Variants in CNOT6L observed in about 807,000 individuals in gnomAD.
The protein encoded by CNOT6L is CCR4-NOT transcription complex subunit 6 like.
A neutral mutation model predicts 64.0 loss-of-function variants in CNOT6L; 7 were observed. That is an observed-to-expected ratio of 0.11 (90% CI 0.06 to 0.21). CNOT6L has a LOEUF of 0.21. CNOT6L is among the 10% of genes least tolerant of loss of function. The pLI is 1.00. For missense variants in CNOT6L, 245 were observed against 669.0 expected, an observed-to-expected ratio of 0.37 and a Z score of 6.99; for synonymous variants, 193 against 243.4, an observed-to-expected ratio of 0.79 and a Z score of 1.93.
chr4:77,790,129 C>T (rs1403436108), intron 1 of CNOT6L, among the ~76,000 whole-genome samples: 1 of 152,110 alleles, frequency 6.6e-6, no homozygotes, highest in African/African-American at 2.4e-5. Flanking sequence ...TTTGCCTTTT[C>T]CCGAGTGTCA....
At chr4:77,744,266 G>C (rs529788924) in intron 7 of CNOT6L, among the ~76,000 whole-genome samples, 2 of 151,848 alleles carry the variant, frequency 1.3e-5, no homozygotes, top group African/African-American at 4.8e-5. Context: ...GGTTTATAAA[G>C]TAAGGTAAGG....
At chr4:77,743,586 CTTTTTTTTT>C (rs142888128) in intron 7 of CNOT6L, among the ~76,000 whole-genome samples, 251 of 70,880 alleles carry the variant, frequency 3.5e-3, no homozygotes, top group Non-Finnish European at 4.2e-3. Context: ...TAACACACAA[CTTTTTTTTT>C]TTTTTTTTTT....
chr4:77,732,168 C>T (rs1215148078), intron 8 of CNOT6L, among the ~76,000 whole-genome samples: 1 of 151,996 alleles, frequency 6.6e-6, no homozygotes, highest in Non-Finnish European at 1.5e-5. Context: ...TTCTGAGAAA[C>T]AGATTCTGCA....
rs386400560 is a variant in CNOT6L at position 77,797,102 on chromosome 4, CAA to C, written c.6-20712_6-20711del. On this transcript the variant is annotated intron_variant, in intron 1 of 11. Coordinates refer to ENST00000504123, the MANE Select transcript of CNOT6L (RefSeq NM_144571.3). ...AGCCTGACAGAGGAAGACCTTGTCTCAAAAAAAAAAAAAAAAAAAAAAAACTG... is the reference window on the plus strand; with the variant it reads ...AGCCTGACAGAGGAAGACCTTGTCTCAAAAAAAAAAAAAAAAAAAAAACTG... Among the ~76,000 whole-genome samples, 7 of 52,986 alleles carry C rather than the reference CAA, an allele frequency of 1.3e-4. No homozygotes were observed. In the Admixed American group the frequency reaches 1.4e-3, roughly 11 times the overall value. The allele number at this position is 52,986 out of a possible 152,430, so 34.8% of individuals were successfully genotyped here.
intron 8 of CNOT6L, among the ~76,000 whole-genome samples, chr4:77,740,449 A>T (rs1166691927): frequency 6.6e-6 from 1 of 152,178 alleles, no homozygotes; most frequent in Non-Finnish European, 1.5e-5. Flanking sequence ...TATTAGTGAT[A>T]TCAAAAGCTC....
intron 1 of CNOT6L, among the ~76,000 whole-genome samples, chr4:77,794,211 C>T (rs1218082340): frequency 7.3e-6 from 1 of 136,748 alleles, no homozygotes; most frequent in Non-Finnish European, 1.6e-5. Flanking sequence ...AGATTATAGT[C>T]TTATAGTCTG....
At chr4:77,784,276 AAC>A (rs1323768313) in intron 1 of CNOT6L, among the ~76,000 whole-genome samples, 2 of 152,186 alleles carry the variant, frequency 1.3e-5, no homozygotes, top group Admixed American at 6.5e-5. Flanking sequence ...TAAAATAAAA[AAC>A]AGAGACCAGA....
chr4:77,819,549 C>G, upstream of CNOT6L: 1 of 493,616 alleles, frequency 2.0e-6, no homozygotes. Flanking sequence ...GCGCAGGGAA[C>G]CCGGGCCCGG....
chr4:77,801,863 G>A (rs1369142785), intron 1 of CNOT6L, among the ~76,000 whole-genome samples: 1 of 152,142 alleles, frequency 6.6e-6, no homozygotes, highest in South Asian at 2.1e-4. Context: ...AATAGCCACT[G>A]TATTCCAGCC....
intron 9 of CNOT6L, among the ~76,000 whole-genome samples, chr4:77,730,267 CATAA>C (rs1250531178): frequency 2.6e-5 from 4 of 152,034 alleles, no homozygotes; most frequent in African/African-American, 9.7e-5. Context: ...GCAATTTGAT[CATAA>C]ATGTCTGTAG....
At chr4:77,799,970 A>G (rs1009123635) in intron 1 of CNOT6L, among the ~76,000 whole-genome samples, 17 of 152,086 alleles carry the variant, frequency 1.1e-4, no homozygotes, top group Admixed American at 5.2e-4. Flanking sequence ...CTGGTAGTAC[A>G]TGGCAAATCC....
intron 1 of CNOT6L, among the ~76,000 whole-genome samples, chr4:77,801,397 G>C (rs568833135): frequency 3.3e-5 from 5 of 152,184 alleles, no homozygotes; most frequent in Admixed American, 6.5e-5. Flanking sequence ...GGTCACAGAG[G>C]AGCTAATTTC....
intron 1 of CNOT6L, among the ~76,000 whole-genome samples, chr4:77,814,112 T>C (rs1733293116): frequency 6.6e-6 from 1 of 152,152 alleles, no homozygotes; most frequent in Non-Finnish European, 1.5e-5. Flanking sequence ...GTAAGTGAAA[T>C]ATGCTTATCA....
rs150236327 is a variant in CNOT6L, at chr4:77,811,711, C to T, written c.5+7593G>A. Among the ~76,000 whole-genome samples, 950 of 152,096 alleles carry T rather than the reference C, an allele frequency of 6.2e-3. 2 individuals are homozygous for T. The highest frequency in any genetic ancestry group is 9.7e-3 in the Non-Finnish European group (662 of 67,970). The stretch of plus-strand genomic sequence containing the variant: ...TTCACAATTCTCTCAAAACTCAATC[C>T]TAACACTCTCTCACAAACACACACA... On this transcript the variant is annotated intron_variant, in intron 1 of 11. Coordinates refer to ENST00000504123, the MANE Select transcript of CNOT6L (RefSeq NM_144571.3).
rs539300063 is a variant in CNOT6L at position 77,782,015 on chromosome 4, T to C, written c.6-5623A>G. On this transcript the variant is annotated intron_variant, in intron 1 of 11. Transcript: ENST00000504123. ...ACAGATGCTGGCAGAGTTCCTAAAA[T>C]TGAAAAAACACAAAATTAAGCCTAT... is the stretch of plus-strand genomic sequence containing the variant. Among the ~76,000 whole-genome samples, 13 of 152,176 alleles carry C rather than the reference T, an allele frequency of 8.5e-5. No individual in the cohort carries two copies. In the South Asian group the frequency reaches 2.3e-3, roughly 27 times the overall value.
chr4:77,728,030 G>T (rs1224094417), intron 10 of CNOT6L, among the ~76,000 whole-genome samples: 1 of 152,040 alleles, frequency 6.6e-6, no homozygotes, highest in East Asian at 1.9e-4. Flanking sequence ...TTTGGTATTG[G>T]CAAAAGAGTA....
chr4:77,771,018 G>A (rs1727480332), intron 4 of CNOT6L, among the ~76,000 whole-genome samples: 1 of 152,280 alleles, frequency 6.6e-6, no homozygotes, highest in Admixed American at 6.5e-5. Context: ...TAAGTCCACT[G>A]GATTCAACAG....
At chr4:77,767,605 G>A (rs1402813707) in intron 4 of CNOT6L, among the ~76,000 whole-genome samples, 1 of 152,098 alleles carries the variant, frequency 6.6e-6, no homozygotes, top group African/African-American at 2.4e-5. Context: ...CACTAATGAT[G>A]TTGAGACAAC....
chr4:77,791,087 G>A (rs1483619362), intron 1 of CNOT6L, among the ~76,000 whole-genome samples: 1 of 151,994 alleles, frequency 6.6e-6, no homozygotes, highest in Admixed American at 6.5e-5. Context: ...AGACCAGACT[G>A]ACCAACATCA....
Sources: allele counts gnomAD v4.1 joint callset (sites outside exome capture counted in the v4.1 genomes callset), GRCh38; gene constraint gnomAD v4.1.1; transcripts MANE v1.5; gene names NCBI Gene and HGNC (gene_info 2026-07-23, HGNC 2026-07-21).